Variants in ATP13A4 observed in about 807,000 individuals in gnomAD.
ATP13A4 encodes ATPase 13A4, also known as probable cation-transporting ATPase 13A4.
A neutral mutation model predicts 142.5 loss-of-function variants in ATP13A4; 114 were observed. The ratio of observed to expected loss-of-function variants is 0.80; its 90% CI spans 0.69 to 0.93. The LOEUF (loss-of-function observed/expected upper bound fraction) is 0.93. Ranked by LOEUF, ATP13A4 falls within the 40% of genes least tolerant of loss-of-function variation. ATP13A4 has a pLI of 0.00. For missense variants in ATP13A4, 1,392 were observed against 1,454.0 expected (o/e 0.96, Z 0.69); for synonymous variants, 488 against 514.8 (o/e 0.95, Z 0.70).
At chr3:193,403,206 C>T (rs1312448737) in intron 29 of ATP13A4, among the ~76,000 whole-genome samples, 1 of 152,158 alleles carries the variant, frequency 6.6e-6, no homozygotes, top group Non-Finnish European at 1.5e-5. Context: ...TATAGCACAT[C>T]TATATTTTGT....
chr3:193,517,929 T>G (rs912716119), intron 1 of ATP13A4, among the ~76,000 whole-genome samples: 2 of 152,242 alleles, frequency 1.3e-5, no homozygotes, highest in African/African-American at 4.8e-5. Flanking sequence ...TTAATTTGAC[T>G]TATAGATTCA....
chr3:193,578,343 C>CTATATCTATATCTATATCTATATCTA (rs199597589), intron 2 of ATP13A4, among the ~76,000 whole-genome samples: 1 of 143,074 alleles, frequency 7.0e-6, no homozygotes, highest in Non-Finnish European at 1.5e-5. Context: ...ATATCTATAT[C>CTATATCTATATCTATATCTATATCTA]TATCTATCTA....
chr3:193,413,746 A>G (rs1051794830), intron 26 of ATP13A4, among the ~76,000 whole-genome samples: 2 of 152,186 alleles, frequency 1.3e-5, no homozygotes, highest in Non-Finnish European at 2.9e-5. Flanking sequence ...TTGAGGTCAG[A>G]CTGGTTCTCT....
chr3:193,522,199 A>G (rs761278336), intron 1 of ATP13A4, among the ~76,000 whole-genome samples: 1 of 152,154 alleles, frequency 6.6e-6, no homozygotes, highest in Non-Finnish European at 1.5e-5. Flanking sequence ...GCTACTGCCT[A>G]TGGAAACTCC....
chr3:193,465,224 G>A (rs763580176), intron 11 of ATP13A4, 96 bp from the exon 12 acceptor site: 1 of 1,330,358 alleles, frequency 7.5e-7, no homozygotes, highest in Non-Finnish European at 1.0e-6. Flanking sequence ...TTTTGCTCTT[G>A]TCGCCCAGGC....
chr3:193,427,903 A>C (rs1576949984), intron 25 of ATP13A4, among the ~76,000 whole-genome samples: 3 of 152,152 alleles, frequency 2.0e-5, no homozygotes, highest in East Asian at 1.9e-4. Context: ...GTCTAAAACA[A>C]CAAAAGCAAT....
chr3:193,502,663 C>T (rs1468170983), intron 2 of ATP13A4, 24 bp from the exon 3 acceptor site: 7 of 1,611,242 alleles, frequency 4.3e-6, no homozygotes, highest in Admixed American at 1.7e-5. Context: ...CATCAAAACC[C>T]CCAAGAAGTT....
intron 1 of ATP13A4, among the ~76,000 whole-genome samples, chr3:193,532,376 T>G (rs1468394142): frequency 2.0e-5 from 3 of 148,944 alleles, no homozygotes; most frequent in African/African-American, 7.5e-5. Flanking sequence ...CCTCTTTCTA[T>G]TCACTGTGGC....
chr3:193,551,687 G>C (rs1723575499), intron 1 of ATP13A4, among the ~76,000 whole-genome samples: 1 of 152,196 alleles, frequency 6.6e-6, no homozygotes, highest in African/African-American at 2.4e-5. Context: ...AAAAACTGAG[G>C]CTAGAGCAGG....
At chr3:193,414,034 C>A (rs759040349) in intron 26 of ATP13A4, among the ~76,000 whole-genome samples, 1 of 152,084 alleles carries the variant, frequency 6.6e-6, no homozygotes, top group African/African-American at 2.4e-5. Context: ...GATGTCACCA[C>A]GGAGGCCCAA....
Position 193,492,999 on chromosome 3 carries a change from T to C in ATP13A4, c.453-2A>G. On this transcript the variant is annotated splice_acceptor_variant, in intron 4 of 29. Coordinates refer to ENST00000342695, the MANE Select transcript of ATP13A4 (RefSeq NM_032279.4). LOFTEE classifies it high-confidence loss of function. ...GAACTAAGCCAGTCTTCCAAAGAACTAAAATAATAATAATGAAAAGAACAT... is the reference window on the plus strand; with the variant it reads ...GAACTAAGCCAGTCTTCCAAAGAACCAAAATAATAATAATGAAAAGAACAT... The C allele has an allele frequency of 6.2e-7, 1 of 1,607,554 alleles. No homozygotes were observed.
At chr3:193,531,176 T>C (rs573358616) in intron 1 of ATP13A4, among the ~76,000 whole-genome samples, 1 of 151,810 alleles carries the variant, frequency 6.6e-6, no homozygotes, top group Admixed American at 6.6e-5. Context: ...CACTAGCCCG[T>C]TGAACTCTGT....
At chr3:193,460,320 C>T (rs1717879636) in intron 13 of ATP13A4, among the ~76,000 whole-genome samples, 1 of 152,210 alleles carries the variant, frequency 6.6e-6, no homozygotes, top group Non-Finnish European at 1.5e-5. Context: ...CATTTCAAGA[C>T]AGACAATTAC....
Position 193,436,705 on chromosome 3 carries a change from G to T in ATP13A4, c.2673-961C>A, listed in dbSNP as rs146748546. ...GACCTCAAGTGATCCACCCACCTCGGCCTCCCAAAGTGTTGGGATTACAGC... is the reference window on the plus strand; with the variant it reads ...GACCTCAAGTGATCCACCCACCTCGTCCTCCCAAAGTGTTGGGATTACAGC... On this transcript the variant is annotated intron_variant, in intron 23 of 29. Transcript: ENST00000342695. 1.2e-4 allele frequency among the ~76,000 whole-genome samples: 18 copies of T among 151,520 alleles called. No individual in the cohort carries two copies. The East Asian group carries it at 2.6e-3, about 22-fold the overall frequency.
chr3:193,426,936 T>C (rs572050112), intron 25 of ATP13A4, among the ~76,000 whole-genome samples: 2 of 151,970 alleles, frequency 1.3e-5, no homozygotes, highest in Non-Finnish European at 2.9e-5. Context: ...GAATTTGGCA[T>C]TGGATTCTTA....
intron 8 of ATP13A4, among the ~76,000 whole-genome samples, chr3:193,476,011 G>A (rs947906265): frequency 6.6e-6 from 1 of 151,882 alleles, no homozygotes; most frequent in Non-Finnish European, 1.5e-5. Context: ...CAAGTACAAT[G>A]AATAAAGTAA....
At chr3:193,512,287 T>C (rs780323120) in intron 2 of ATP13A4, among the ~76,000 whole-genome samples, 1 of 152,172 alleles carries the variant, frequency 6.6e-6, no homozygotes, top group Non-Finnish European at 1.5e-5. Flanking sequence ...GGCCCAAAGA[T>C]GGAGTCTTCC....
intron 8 of ATP13A4, among the ~76,000 whole-genome samples, chr3:193,472,773 G>A (rs1718700041): frequency 2.0e-5 from 3 of 152,160 alleles, no homozygotes; most frequent in African/African-American, 7.2e-5. Context: ...TCTACCTGGG[G>A]TCTTGGAATG....
At chr3:193,478,451 T>C (rs1186181379) in intron 8 of ATP13A4, among the ~76,000 whole-genome samples, 1 of 151,936 alleles carries the variant, frequency 6.6e-6, no homozygotes, top group African/African-American at 2.4e-5. Context: ...ATATTACAAC[T>C]GATAACACAG....
Sources: allele counts gnomAD v4.1 joint callset (sites outside exome capture counted in the v4.1 genomes callset), GRCh38; gene constraint gnomAD v4.1.1; transcripts MANE v1.5; gene names NCBI Gene and HGNC (gene_info 2026-07-23, HGNC 2026-07-21).